The following MLYCD variants were observed in gnomAD, a reference collection of about 807,000 sequenced individuals.
MLYCD encodes the protein malonyl-CoA decarboxylase, also known as malonyl-CoA decarboxylase, mitochondrial.
Under a neutral mutation model 35.8 loss-of-function variants are expected in MLYCD, and 27 were observed. That is an observed-to-expected ratio of 0.75 (90% CI 0.56 to 1.04). The LOEUF is 1.04. Ranked by LOEUF, MLYCD falls within the 50% of genes least tolerant of loss-of-function variation. The probability of loss-of-function intolerance (pLI) is 0.00; values close to 1 mark genes in which losing one functional copy is unlikely to be tolerated. For synonymous variants in MLYCD, 403 were observed against 302.4 expected (o/e 1.33, Z -3.45); for missense variants, 917 against 665.1 (o/e 1.38, Z -4.17).
chr16:83,904,040 A>T (rs978493107), intron 1 of MLYCD, among the ~76,000 whole-genome samples: 3 of 152,198 alleles, frequency 2.0e-5, no homozygotes, highest in Admixed American at 2.0e-4. Context: ...CTGGATTCCC[A>T]GTTCTCGTGT....
chr16:83,912,361 G>T lies in MLYCD; in HGVS notation c.942G>T (p.Glu314Asp), dbSNP rs1485409404. The stretch of plus-strand genomic sequence containing the variant: ...TCCTCATAAAGCGAGTCGTCAAGGA[G>T]TTGCAGGTAAGCGACACGCAGGGAG... Reference protein sequence around the residue: ...GTFLIKRVVKELQREFPHLGV... With the variant: ...GTFLIKRVVKDLQREFPHLGV... Residue 314 changes from glutamate (E) to aspartate (D), a missense_variant, in exon 4 of 5, where the codon GAG becomes GAT. Transcript: ENST00000262430. 6.2e-7 allele frequency: 1 copy of T among 1,614,206 alleles called. No homozygotes were observed. Among genetic ancestry groups the T allele is most frequent in the Admixed American group, 1.7e-5 (1 of 60,020 alleles).
intron 4 of MLYCD, 184 bp from the exon 5 acceptor site, chr16:83,914,772 C>A: frequency 1.2e-6 from 1 of 843,002 alleles, no homozygotes. Flanking sequence ...GAGCAAGACC[C>A]TGACTCTAAG....
rs1354574975 is a variant in MLYCD at position 83,899,608 on chromosome 16, T to C, written c.464T>C (p.Val155Ala). The change falls in exon 1 of 5, where the codon GTG becomes GCG. Residue 155 changes from valine to alanine, a missense_variant. Physicochemically the swap from Val to Ala is moderately conservative, Grantham distance 64. Transcript: ENST00000262430. ...CTGGACGGCGGCGTGCGCTTCCTGG[T>C]GCAGCTGCGGGCCGACCTGCTGGAG... ...SKLDGGVRFL[V>A]QLRADLLEAQ... The C allele has an allele frequency of 2.5e-6, 4 of 1,581,232 alleles. No individual in the cohort carries two copies. Among genetic ancestry groups the C allele is most frequent in the Non-Finnish European group, 3.4e-6 (4 of 1,172,432 alleles).
chr16:83,909,389 T>C (rs1161941088), intron 3 of MLYCD, among the ~76,000 whole-genome samples: 1 of 152,222 alleles, frequency 6.6e-6, no homozygotes, highest in African/African-American at 2.4e-5. Flanking sequence ...CGGCCTCGTG[T>C]ACATCAGATA....
intron 1 of MLYCD, among the ~76,000 whole-genome samples, chr16:83,901,846 T>C (rs1008633866): frequency 1.3e-5 from 2 of 152,124 alleles, no homozygotes; most frequent in South Asian, 2.1e-4. Context: ...GAAAAAAACA[T>C]TGCATACTGT....
chr16:83,915,436 T>C lies in MLYCD; in HGVS notation c.1429T>C (p.Ser477Pro). ...SYLGSKIIKA[S>P]EQVLSLVAQF... ...CCTCGGCTCCAAGATCATCAAAGCC[T>C]CTGAGCAGGTCCTCAGCCTAGTGGC... The change falls in exon 5 of 5, where the codon TCT (serine) becomes CCT (proline). Residue 477 changes from serine (S) to proline (P), a missense_variant. Ser to Pro is a moderately conservative substitution (Grantham distance 74). Transcript: ENST00000262430. The C allele has an allele frequency of 6.2e-7, 1 of 1,613,552 alleles. No homozygotes were observed. The highest frequency in any genetic ancestry group is 8.5e-7 in the Non-Finnish European group (1 of 1,180,018).
rs771496725 is a variant in MLYCD at position 83,921,975 on chromosome 16, C to G, written c.*6486C>G. 1.4e-5 allele frequency: 2 copies of G among 139,462 alleles called. No homozygotes were observed. The highest frequency in any genetic ancestry group is 3.2e-5 in the Non-Finnish European group (2 of 61,792). 8.6% of individuals were successfully genotyped at this position (139,462 alleles called of 1,614,324 possible). A position where few individuals can be genotyped will look rare whatever the true frequency, so the allele number is the denominator to read the frequency against. On this transcript the variant is annotated 3_prime_UTR_variant, in exon 5 of 5. Transcript: ENST00000262430. ...GTGGCTAAGAGGGCAGGGGCTCAGT[C>G]TCACAGACCTGGTTTCCATCCCACT...
chr16:83,908,414 A>T (rs1490818295), intron 3 of MLYCD, 132 bp downstream of exon 3: 9 of 1,168,458 alleles, frequency 7.7e-6, no homozygotes, highest in African/African-American at 1.6e-5. Flanking sequence ...GGGCTTTTTT[A>T]AATTGGTTAA....
At position 83,915,612 on chromosome 16, in the gene MLYCD, C is replaced by T. The variant is rs893506768; in HGVS notation, c.*123C>T. On this transcript the variant is annotated 3_prime_UTR_variant, in exon 5 of 5. Transcript: ENST00000262430. Reference sequence around the variant, plus strand: ...GCCAAAGTTGACTGTGTTCTTGTCCCGCAGCCGGTCCACACTGTGAGGCCA... The same window carrying T: ...GCCAAAGTTGACTGTGTTCTTGTCCTGCAGCCGGTCCACACTGTGAGGCCA... The T allele has an allele frequency of 2.2e-5, 34 of 1,531,228 alleles. No homozygotes were observed. The African/African-American group carries it at 2.5e-4, about 11-fold the overall frequency. The allele number at this position is 1,531,228 out of a possible 1,614,324, so 94.9% of individuals were successfully genotyped here. A position where few individuals can be genotyped will look rare whatever the true frequency, so the allele number is the denominator to read the frequency against.
At position 83,902,528 on chromosome 16, in the gene MLYCD, C is replaced by G. The variant is rs561205462; in HGVS notation, c.528+2856C>G. On this transcript the variant is annotated intron_variant, in intron 1 of 4. Transcript: ENST00000262430. ...GATTTTTTTTTTTTTTTTTTTGAGA[C>G]AGAGTCTTGCTCTGTTGCCCAGGCT... Among the ~76,000 whole-genome samples, 6 of 116,884 alleles carry G rather than the reference C, an allele frequency of 5.1e-5. No homozygotes were observed. The Admixed American group carries it at 5.5e-4, about 11-fold the overall frequency. 76.7% of individuals were successfully genotyped at this position (116,884 alleles called of 152,430 possible). A position where few individuals can be genotyped will look rare whatever the true frequency, so the allele number is the denominator to read the frequency against.
chr16:83,902,145 G>A (rs1906811551), intron 1 of MLYCD, among the ~76,000 whole-genome samples: 1 of 124,064 alleles, frequency 8.1e-6, no homozygotes, highest in Non-Finnish European at 1.6e-5. Flanking sequence ...GTGTGTGTGT[G>A]TGTGCGTGCG....
At chr16:83,905,929 T>C (rs1319631622) in intron 1 of MLYCD, among the ~76,000 whole-genome samples, 1 of 152,346 alleles carries the variant, frequency 6.6e-6, no homozygotes, top group East Asian at 1.9e-4. Flanking sequence ...CTGGAAAAGC[T>C]TCAGTGCAGA....
rs752334071 is a variant in MLYCD at position 83,899,611 on chromosome 16, A to T, written c.467A>T (p.Gln156Leu). ...KLDGGVRFLV[Q>L]LRADLLEAQA... is the part of the protein sequence containing the mutation. The stretch of plus-strand genomic sequence containing the variant: ...GACGGCGGCGTGCGCTTCCTGGTGC[A>T]GCTGCGGGCCGACCTGCTGGAGGCG... Residue 156 changes from glutamine to leucine, a missense_variant, in exon 1 of 5, where the codon CAG (glutamine) becomes CTG (leucine). Gln to Leu is a moderately radical substitution (Grantham distance 113, BLOSUM62 -2). Coordinates refer to ENST00000262430, the MANE Select transcript of MLYCD (RefSeq NM_012213.3). The T allele has an allele frequency of 1.9e-6, 3 of 1,579,052 alleles. No homozygotes were observed. The highest frequency in any genetic ancestry group is 2.6e-6 in the Non-Finnish European group (3 of 1,171,356).
In MLYCD at chr16:83,915,263, T is replaced by C; in HGVS notation, c.1256T>C (p.Val419Ala). The C allele has an allele frequency of 6.2e-7, 1 of 1,612,374 alleles. No homozygotes were observed. Among genetic ancestry groups the C allele is most frequent in the Non-Finnish European group, 8.5e-7 (1 of 1,178,512 alleles). ...CACCGCGGCTACGCGCTGAACCCCG[T>C]GGCCAACTTCCACCTGCAGAACGGG... Reference protein sequence around the residue: ...EKHRGYALNPVANFHLQNGAV... With the variant: ...EKHRGYALNPAANFHLQNGAV... Residue 419 changes from valine (V) to alanine (A), a missense_variant, in exon 5 of 5, where the codon GTG (valine) becomes GCG (alanine). Val to Ala is a moderately conservative substitution (Grantham distance 64). Transcript: ENST00000262430.
At chr16:83,904,187 TTTC>T (rs879799719) in intron 1 of MLYCD, among the ~76,000 whole-genome samples, 4,261 of 152,288 alleles carry the variant, frequency 0.028, 132 homozygotes, top group African/African-American at 0.077. Flanking sequence ...TTCCAGCTTT[TTTC>T]ATATCACGAA....
In MLYCD at chr16:83,905,545, A is replaced by C. The variant is rs28394236; in HGVS notation, c.529-1442A>C. On this transcript the variant is annotated intron_variant, in intron 1 of 4. Transcript: ENST00000262430. ...TTGAATCTTGTTGCTCTGCCGAGAA[A>C]AACCTTCATCTCCAAAGCCACGTCG... 5.0e-3 allele frequency among the ~76,000 whole-genome samples: 757 copies of C among 152,256 alleles called. 1 individual carries two copies. Among genetic ancestry groups the C allele is most frequent in the African/African-American group, 0.017 (724 of 41,554 alleles).
chr16:83,899,733 C>T, intron 1 of MLYCD, 61 bp downstream of exon 1: 5 of 1,447,280 alleles, frequency 3.5e-6, no homozygotes, highest in Non-Finnish European at 4.5e-6. Flanking sequence ...GAGTAGTCCT[C>T]ACTTGCCCCC....
chr16:83,920,881 G>A lies in MLYCD; in HGVS notation c.*5392G>A, dbSNP rs910690334. The A allele has an allele frequency of 1.7e-4, 26 of 151,496 alleles. No homozygotes were observed. Among genetic ancestry groups the A allele is most frequent in the Non-Finnish European group, 3.8e-4 (26 of 67,996 alleles). 9.4% of individuals were successfully genotyped at this position (151,496 alleles called of 1,614,324 possible). A position where few individuals can be genotyped will look rare whatever the true frequency, so the allele number is the denominator to read the frequency against. ...AGCAGGTCCTCAATGAACATTAGAT[G>A]GATGGATGGAAGGAAGGAAGATGGA... On this transcript the variant is annotated 3_prime_UTR_variant, in exon 5 of 5. Transcript: ENST00000262430.
At position 83,907,155 on chromosome 16, in the gene MLYCD, T is replaced by A. The variant is rs73245064; in HGVS notation, c.641+56T>A. On this transcript the variant is annotated intron_variant, in intron 2 of 4. Coordinates refer to ENST00000262430, the MANE Select transcript of MLYCD (RefSeq NM_012213.3). ...CATACATTTTTCATATATATTTGTG[T>A]ATGTTTTATATTGGCTAAAAGCTAA... is the stretch of plus-strand genomic sequence containing the variant. The A allele has an allele frequency of 1.2e-3, 1,708 of 1,396,138 alleles. 9 individuals carry two copies. The African/African-American group carries it at 0.022, about 18-fold the overall frequency. The allele number at this position is 1,396,138 out of a possible 1,614,324, so 86.5% of individuals were successfully genotyped here. A position where few individuals can be genotyped will look rare whatever the true frequency, so the allele number is the denominator to read the frequency against.
Sources: gnomAD v4.1 joint callset for allele counts (sites outside exome capture counted in the v4.1 genomes callset) on GRCh38, gnomAD v4.1.1 for gene constraint, MANE v1.5 for transcripts, NCBI Gene and HGNC (gene_info 2026-07-23, HGNC 2026-07-21) for gene names.